MICAL2: variants seen among roughly 807,000 people sequenced by gnomAD.
The protein encoded by MICAL2 is [F-actin]-monooxygenase MICAL2.
A neutral mutation model predicts 127.3 loss-of-function variants in MICAL2; 77 were observed. That is an observed-to-expected ratio of 0.60 (90% CI 0.50 to 0.73). MICAL2 has a LOEUF of 0.73. MICAL2 is among the 30% of genes least tolerant of loss of function. MICAL2 has a pLI of 0.00. For synonymous variants in MICAL2, 570 were observed against 551.1 expected (o/e 1.03, Z -0.48); for missense variants, 1,351 against 1,434.4 (o/e 0.94, Z 0.94).
intron 29 of MICAL2, among the ~76,000 whole-genome samples, chr11:12,297,881 A>G (rs1463800809): frequency 1.3e-5 from 2 of 151,906 alleles, no homozygotes; most frequent in Non-Finnish European, 2.9e-5. Flanking sequence ...GTTATATATC[A>G]ATACCACACT....
chr11:12,346,135 A>G (rs1484960808), intron 32 of MICAL2, among the ~76,000 whole-genome samples: 1 of 152,214 alleles, frequency 6.6e-6, no homozygotes, highest in Admixed American at 6.5e-5. Flanking sequence ...GGCTTCCTGG[A>G]CAGGAGAGAG....
chr11:12,260,819 A>T (rs1435860030), intron 26 of MICAL2: 1 of 985,292 alleles, frequency 1.0e-6, no homozygotes, highest in Non-Finnish European at 1.2e-6. Flanking sequence ...TTGATGTTAA[A>T]CAGTAGCTTA....
At position 12,244,006 on chromosome 11, in the gene MICAL2, G is replaced by C; in HGVS notation, c.2678G>C (p.Gly893Ala). 1.9e-6 allele frequency: 3 copies of C among 1,613,796 alleles called. No homozygotes were observed. The highest frequency in any genetic ancestry group is 2.5e-6 in the Non-Finnish European group (3 of 1,179,776). ...DFPQNKLLSK[G>A]LSHTHPPSPP... Reference sequence around the variant, plus strand: ...GTGCAGAATAAACTACTCTCTAAAGGCCTGTCTCATACTCATCCTCCATCT... The same window carrying C: ...GTGCAGAATAAACTACTCTCTAAAGCCCTGTCTCATACTCATCCTCCATCT... Residue 893 changes from glycine (G) to alanine (A), a missense_variant, in exon 21 of 28, where the codon GGC becomes GCC. This residue lies in a region of MICAL2 where 752 missense variants were observed against 719.4 expected (regional missense o/e 1.05). Coordinates refer to ENST00000683283, the MANE Select transcript of MICAL2 (RefSeq NM_001282663.2).
rs981209723 is a variant in MICAL2, at chr11:12,299,759, G to A, written c.5212+4902G>A. ...TTGCAAAATGCACATTTGTGTAATC[G>A]CCCCTGAGATCAAGCTATAGAATGT... On this transcript the variant is annotated intron_variant, in intron 29 of 34. Coordinates refer to the MICAL2 transcript ENST00000646065. 5.3e-5 allele frequency among the ~76,000 whole-genome samples: 8 copies of A among 152,080 alleles called. No homozygotes were observed. In the South Asian group the frequency reaches 6.2e-4, roughly 12 times the overall value.
chr11:12,330,900 A>AGAGAGAGAGTGTGTGT (rs1238311364), intron 32 of MICAL2, among the ~76,000 whole-genome samples: 7 of 119,446 alleles, frequency 5.9e-5, no homozygotes, highest in African/African-American at 1.8e-4. Flanking sequence ...AGAGAGAGAG[A>AGAGAGAGAGTGTGTGT]GTGTGTGTGT....
At chr11:12,282,847 C>T (rs1452622475) in intron 2 of MICAL2, among the ~76,000 whole-genome samples, 1 of 152,162 alleles carries the variant, frequency 6.6e-6, no homozygotes, top group Non-Finnish European at 1.5e-5. Context: ...ATTCTCGAGG[C>T]TGTTTCTTAC....
At chr11:12,284,557 C>T (rs537577726) in intron 2 of MICAL2, among the ~76,000 whole-genome samples, 2 of 152,130 alleles carry the variant, frequency 1.3e-5, no homozygotes, top group South Asian at 4.1e-4. Flanking sequence ...TAGCCATTTC[C>T]AATAGGTTCC....
At chr11:12,338,785 T>C (rs1423551337) in intron 32 of MICAL2, among the ~76,000 whole-genome samples, 9 of 152,358 alleles carry the variant, frequency 5.9e-5, no homozygotes, top group South Asian at 2.1e-4. Context: ...TATTGGCCCC[T>C]ACTCTCTTCT....
chr11:12,356,870 T>C (rs1939136576), intron 34 of MICAL2, among the ~76,000 whole-genome samples: 1 of 152,216 alleles, frequency 6.6e-6, no homozygotes, highest in Non-Finnish European at 1.5e-5. Context: ...TGAAGTACTG[T>C]CTTATGTTTA....
At chr11:12,255,791 C>A in intron 23 of MICAL2, 41 bp downstream of exon 23, 1 of 1,537,054 alleles carries the variant, frequency 6.5e-7, no homozygotes, top group Non-Finnish European at 8.9e-7. Context: ...CAGACACTGG[C>A]TCTGGCATCC....
At chr11:12,178,956 CTT>C (rs1857139422) in intron 3 of MICAL2, among the ~76,000 whole-genome samples, 1 of 152,182 alleles carries the variant, frequency 6.6e-6, no homozygotes, top group African/African-American at 2.4e-5. Context: ...CACTGTCCCA[CTT>C]TGGTTCAGGG....
chr11:12,163,827 C>CT (rs1399644984), intron 3 of MICAL2: 5 of 152,152 alleles, frequency 3.3e-5, no homozygotes, highest in African/African-American at 9.7e-5. Flanking sequence ...GGAGGGGAAG[C>CT]TTTTAGCTTC....
chr11:12,232,317 C>G (rs1565212588), intron 15 of MICAL2, among the ~76,000 whole-genome samples: 1 of 152,178 alleles, frequency 6.6e-6, no homozygotes, highest in Non-Finnish European at 1.5e-5. Flanking sequence ...AGGCTGGGAA[C>G]ATATTTTCAT....
At chr11:12,213,512 G>A in intron 7 of MICAL2, 102 bp downstream of exon 7, 1 of 1,202,216 alleles carries the variant, frequency 8.3e-7, no homozygotes, top group Non-Finnish European at 1.2e-6. Context: ...TGGGCCTCGA[G>A]GGACTCACTC....
Position 12,242,710 on chromosome 11 carries a change from A to G in MICAL2, c.2596A>G (p.Lys866Glu), listed in dbSNP as rs1396054749. The change falls in exon 20 of 28, where the codon AAG becomes GAG. Residue 866 changes from lysine to glutamate, a missense_variant. Around this residue, in one of 2 missense-constraint regions of MICAL2, gnomAD observed 752 missense variants for 719.4 expected, o/e 1.05. Coordinates refer to ENST00000683283, the MANE Select transcript of MICAL2 (RefSeq NM_001282663.2). ...CTTGGCCAACAGGGAATTTCACACA[A>G]AGAACATTAAGGAGAAGGCGGCTCA... The part of the protein sequence containing the change: ...QNLANREFHT[K>E]NIKEKAAHLA... 6.2e-7 allele frequency: 1 copy of G among 1,612,798 alleles called. No individual in the cohort carries two copies. The highest frequency in any genetic ancestry group is 2.2e-5 in the East Asian group (1 of 44,786).
intron 7 of MICAL2, among the ~76,000 whole-genome samples, 182 bp downstream of exon 7, chr11:12,213,592 G>A (rs1289152137): frequency 6.6e-6 from 1 of 152,238 alleles, no homozygotes; most frequent in Non-Finnish European, 1.5e-5. Context: ...GGACAAGAGA[G>A]ATTCTTGAGG....
At chr11:12,186,630 C>T (rs892892472) in intron 3 of MICAL2, among the ~76,000 whole-genome samples, 2 of 152,106 alleles carry the variant, frequency 1.3e-5, no homozygotes, top group Admixed American at 6.6e-5. Context: ...GTCTCTGGGC[C>T]TCAGTTTACC....
intron 1 of MICAL2, among the ~76,000 whole-genome samples, chr11:12,123,107 T>A (rs1850642890): frequency 6.6e-6 from 1 of 152,154 alleles, no homozygotes; most frequent in Non-Finnish European, 1.5e-5. Flanking sequence ...TCATGTACCC[T>A]CAAGAAAGAA....
chr11:12,207,857 A>G (rs1672178136), intron 4 of MICAL2, 166 bp from the exon 5 acceptor site: 1 of 620,730 alleles, frequency 1.6e-6, no homozygotes, highest in Non-Finnish European at 2.9e-6. Context: ...TAAGAGTTAG[A>G]TGAGAAAACA....
Sources: allele counts gnomAD v4.1 joint callset (sites outside exome capture counted in the v4.1 genomes callset), GRCh38; gene constraint gnomAD v4.1.1; regional missense constraint gnomAD v4.1.1; transcripts MANE v1.5; gene names NCBI Gene and HGNC (gene_info 2026-07-23, HGNC 2026-07-21).